Variants in LAMA3 observed in about 807,000 individuals in gnomAD.
The protein encoded by LAMA3 is laminin subunit alpha 3, also known as laminin subunit alpha-3.
LAMA3 carries 281 observed loss-of-function variants against 402.0 expected under a neutral mutation model. That is an observed-to-expected ratio of 0.70 (90% CI 0.63 to 0.77). LAMA3 has a LOEUF of 0.77. LAMA3 is among the 30% of genes least tolerant of loss of function. The probability of loss-of-function intolerance (pLI) is 0.00; values close to 1 mark genes in which losing one functional copy is unlikely to be tolerated. For missense variants in LAMA3, 3,840 were observed against 4,215.5 expected (o/e 0.91, Z 2.47); for synonymous variants, 1,431 against 1,558.4 (o/e 0.92, Z 1.93).
chr18:23,816,301 G>A, intron 17 of LAMA3, 87 bp from the exon 18 acceptor site: 1 of 937,958 alleles, frequency 1.1e-6, no homozygotes, highest in South Asian at 1.4e-5. Flanking sequence ...TCACTGGGAT[G>A]GTCAGTTTTC....
chr18:23,827,537 G>C, intron 23 of LAMA3, 70 bp downstream of exon 23: 6 of 1,520,900 alleles, frequency 3.9e-6, no homozygotes, highest in Non-Finnish European at 5.4e-6. Flanking sequence ...AAAATACTTG[G>C]CCACAGTTGC....
rs763060857 is a variant in LAMA3, at chr18:23,895,041, C to A, written c.5596C>A (p.Gln1866Lys). ...LLEQMRHMETQAKDLRNQLLN... is the reference protein window; with the variant it reads ...LLEQMRHMETKAKDLRNQLLN... ...GGAGCAGATGAGGCACATGGAGACCCAGGCCAAGGACCTGAGGGTAAATCC... is the reference window on the plus strand; with the variant it reads ...GGAGCAGATGAGGCACATGGAGACCAAGGCCAAGGACCTGAGGGTAAATCC... Residue 1866 changes from glutamine (Q) to lysine (K), a missense_variant, in exon 44 of 75, where the codon CAG (glutamine) becomes AAG (lysine). By Grantham distance (53) the Gln-to-Lys change is moderately conservative. Transcript: ENST00000313654. 2.5e-6 allele frequency: 4 copies of A among 1,604,796 alleles called. No homozygotes were observed. The African/African-American group carries it at 4.0e-5, about 16-fold the overall frequency.
At chr18:23,931,694 T>C (rs921377606) in intron 65 of LAMA3, 1 of 218,680 alleles carries the variant, frequency 4.6e-6, no homozygotes, top group East Asian at 1.2e-4. Context: ...TCTCATATGA[T>C]TTCCTTTATA....
intron 37 of LAMA3, among the ~76,000 whole-genome samples, chr18:23,869,363 CAG>C (rs1355812650): frequency 6.6e-6 from 1 of 152,148 alleles, no homozygotes; most frequent in Non-Finnish European, 1.5e-5. Flanking sequence ...TGCATAGAGA[CAG>C]AATGTAGATT....
chr18:23,808,157 C>T (rs1271383197), intron 12 of LAMA3, among the ~76,000 whole-genome samples: 5 of 152,120 alleles, frequency 3.3e-5, no homozygotes, highest in Non-Finnish European at 7.4e-5. Flanking sequence ...ACACCCAACA[C>T]CCAGTATCCA....
chr18:23,788,665 T>G lies in LAMA3; in HGVS notation c.1603+4508T>G, dbSNP rs79965268. ...CGTAAGAGCTAAAACTATAAATCTC[T>G]TAGAATAAAATATAGGCATAAATCT... On this transcript the variant is annotated intron_variant, in intron 12 of 74. Transcript: ENST00000313654. Among the ~76,000 whole-genome samples, 1,393 of 151,966 alleles carry G rather than the reference T, an allele frequency of 9.2e-3. 22 individuals carry two copies. Among genetic ancestry groups the G allele is most frequent in the African/African-American group, 0.032 (1,341 of 41,504 alleles).
chr18:23,739,612 T>G lies in LAMA3; in HGVS notation c.448-8331T>G, dbSNP rs187217575. 5.9e-3 allele frequency among the ~76,000 whole-genome samples: 894 copies of G among 152,288 alleles called. 14 individuals carry two copies. The highest frequency in any genetic ancestry group is 0.02 in the African/African-American group (848 of 41,552). On this transcript the variant is annotated intron_variant, in intron 2 of 74. Coordinates refer to ENST00000313654, the MANE Select transcript of LAMA3 (RefSeq NM_198129.4). ...AGGGAATAGATATGACAATTAAAAG[T>G]TGGAAAGAACCATTATGAGTGCAGA... is the stretch of plus-strand genomic sequence containing the variant.
intron 1 of LAMA3, among the ~76,000 whole-genome samples, chr18:23,699,809 G>C (rs919230722): frequency 6.6e-6 from 1 of 152,168 alleles, no homozygotes; most frequent in Admixed American, 6.5e-5. Context: ...AGGCTGGGAC[G>C]TGCTGGGCTG....
intron 74 of LAMA3, 146 bp from the exon 75 acceptor site, chr18:23,954,357 C>A: frequency 1.5e-6 from 1 of 681,700 alleles, no homozygotes; most frequent in Non-Finnish European, 2.5e-6. Flanking sequence ...GAGCTGTGAT[C>A]ACACTACTGT....
intron 59 of LAMA3, among the ~76,000 whole-genome samples, 184 bp from the exon 60 acceptor site, chr18:23,916,367 C>T (rs2081621106): frequency 6.6e-6 from 1 of 152,166 alleles, no homozygotes; most frequent in Non-Finnish European, 1.5e-5. Context: ...GAGAGCACAT[C>T]CAGGAGAAAG....
chr18:23,776,092 A>G (rs1371147865), intron 10 of LAMA3, among the ~76,000 whole-genome samples, 169 bp downstream of exon 10: 1 of 152,194 alleles, frequency 6.6e-6, no homozygotes, highest in East Asian at 1.9e-4. Context: ...TAAATTTTAT[A>G]TTGGTACATT....
chr18:23,920,141 C>T (rs920516833), intron 60 of LAMA3, among the ~76,000 whole-genome samples: 10 of 152,142 alleles, frequency 6.6e-5, no homozygotes, highest in African/African-American at 2.4e-4. Flanking sequence ...GCCCTGCACA[C>T]GTGCATGCAG....
intron 35 of LAMA3, 87 bp downstream of exon 35, chr18:23,861,894 G>A (rs1388234913): frequency 2.2e-6 from 3 of 1,378,202 alleles, no homozygotes; most frequent in Non-Finnish European, 3.0e-6. Context: ...CTGGAAGGAA[G>A]CATCCAGCAG....
chr18:23,750,489 A>G (rs1598716513), intron 4 of LAMA3, among the ~76,000 whole-genome samples: 1 of 78,008 alleles, frequency 1.3e-5, no homozygotes, highest in African/African-American at 5.2e-5. Flanking sequence ...GTCAAACTTT[A>G]TATCTAGAGA....
chr18:23,815,373 T>G lies in LAMA3; in HGVS notation c.1942-95T>G, dbSNP rs1048036241. The G allele has an allele frequency of 5.2e-6, 7 of 1,356,370 alleles. No individual in the cohort carries two copies. The African/African-American group carries it at 5.7e-5, about 11-fold the overall frequency. The allele number at this position is 1,356,370 out of a possible 1,614,324, so 84.0% of individuals were successfully genotyped here. A position where few individuals can be genotyped will look rare whatever the true frequency, so the allele number is the denominator to read the frequency against. ...AATCCTTTCCAGATCCTGGCTACACTGCTTCCTATTATACAGTGAGGCAGT... is the reference window on the plus strand; with the variant it reads ...AATCCTTTCCAGATCCTGGCTACACGGCTTCCTATTATACAGTGAGGCAGT... On this transcript the variant is annotated intron_variant, in intron 16 of 74. Coordinates refer to ENST00000313654, the MANE Select transcript of LAMA3 (RefSeq NM_198129.4).
intron 1 of LAMA3, among the ~76,000 whole-genome samples, chr18:23,699,766 G>A (rs1257581996): frequency 2.0e-5 from 3 of 152,152 alleles, no homozygotes; most frequent in Non-Finnish European, 4.4e-5. Context: ...TCGAACTAGA[G>A]AGACTCCATC....
chr18:23,898,412 T>TA lies in LAMA3; in HGVS notation c.5614-320dup, dbSNP rs969654899. The TA allele has an allele frequency of 9.5e-5, 27 of 285,410 alleles. No individual in the cohort carries two copies. In the South Asian group the frequency reaches 1.0e-3, roughly 11 times the overall value. The allele number at this position is 285,410 out of a possible 1,614,324, so 17.7% of individuals were successfully genotyped here. A position where few individuals can be genotyped will look rare whatever the true frequency, so the allele number is the denominator to read the frequency against. ...TGTTGTCAGGTTAACTGCAGGTTTTTAAAAAACTGTATTTATTATAGAATC... is the reference window on the plus strand; with the variant it reads ...TGTTGTCAGGTTAACTGCAGGTTTTTAAAAAAACTGTATTTATTATAGAATC... On this transcript the variant is annotated intron_variant, in intron 44 of 74. Transcript: ENST00000313654.
At chr18:23,763,289 T>C (rs183746660) in intron 7 of LAMA3, 116 bp from the exon 8 acceptor site, 16 of 750,556 alleles carry the variant, frequency 2.1e-5, no homozygotes, top group Admixed American at 1.8e-4. Context: ...AAGAGTGTCC[T>C]GGGTGTTCCA....
chr18:23,777,027 A>T (rs1322413728), intron 10 of LAMA3, among the ~76,000 whole-genome samples: 2 of 151,756 alleles, frequency 1.3e-5, no homozygotes, highest in African/African-American at 4.8e-5. Context: ...TTTAGTAGAG[A>T]TGGGGTTTCT....
Sources: allele counts gnomAD v4.1 joint callset (sites outside exome capture counted in the v4.1 genomes callset), GRCh38; gene constraint gnomAD v4.1.1; transcripts MANE v1.5; gene names NCBI Gene and HGNC (gene_info 2026-07-23, HGNC 2026-07-21).